TIAM1: variants seen among roughly 807,000 people sequenced by gnomAD.
TIAM1 encodes the protein rho guanine nucleotide exchange factor TIAM1.
TIAM1 carries 65 observed loss-of-function variants against 163.5 expected under a neutral mutation model. The observed-to-expected ratio is 0.40, with a 90% CI of 0.33 to 0.49. The LOEUF is 0.49. Among genes scored for constraint, TIAM1 ranks in the 20% least tolerant of loss-of-function variants. TIAM1 has a pLI of 0.77. For missense variants in TIAM1, 1,789 were observed against 2,044.7 expected (o/e 0.87, Z 2.41); for synonymous variants, 833 against 810.1 (o/e 1.03, Z -0.48).
In TIAM1 at chr21:31,540,111, C is replaced by T. The variant is rs138145437; in HGVS notation, c.-422+18816G>A. Among the ~76,000 whole-genome samples, 976 of 152,210 alleles carry T rather than the reference C, an allele frequency of 6.4e-3. 9 individuals are homozygous for T. Among genetic ancestry groups the T allele is most frequent in the African/African-American group, 0.021 (874 of 41,544 alleles). ...TAAAAGGTAGGAAGTACAGGCCGGG[C>T]GCAGTGGCTCACGCCTATAATCCCA... On this transcript the variant is annotated intron_variant, in intron 1 of 28. Transcript: ENST00000286827.
At chr21:31,190,131 G>A (rs535328397) in intron 13 of TIAM1, among the ~76,000 whole-genome samples, 15 of 152,304 alleles carry the variant, frequency 9.8e-5, no homozygotes, top group East Asian at 7.7e-4. Flanking sequence ...AAGGTCGGGC[G>A]TGGTGGCTCA....
chr21:31,552,787 G>A (rs984744996), intron 1 of TIAM1, among the ~76,000 whole-genome samples: 38 of 152,226 alleles, frequency 2.5e-4, no homozygotes, highest in African/African-American at 8.7e-4. Flanking sequence ...GAAAAAAAGA[G>A]AGAGAATAAG....
intron 3 of TIAM1, among the ~76,000 whole-genome samples, chr21:31,272,443 T>C (rs1486278518): frequency 2.0e-5 from 3 of 151,470 alleles, no homozygotes; most frequent in Non-Finnish European, 2.9e-5. Context: ...TCTCAGGGGC[T>C]GCTTTTATAG....
intron 2 of TIAM1, among the ~76,000 whole-genome samples, chr21:31,458,453 A>C (rs1271414324): frequency 6.6e-6 from 1 of 152,018 alleles, no homozygotes; most frequent in African/African-American, 2.4e-5. Context: ...GAAAAAAGAA[A>C]ACTGTCCTGG....
At position 31,152,752 on chromosome 21, in the gene TIAM1, G is replaced by C. The variant is rs1338040080; in HGVS notation, c.3250C>G (p.Leu1084Val). 3 of 1,613,932 alleles carry C rather than the reference G, an allele frequency of 1.9e-6. No homozygotes were observed. Among genetic ancestry groups the C allele is most frequent in the Admixed American group, 3.3e-5 (2 of 59,956 alleles). The change falls in exon 19 of 28, where the codon CTT becomes GTT. Residue 1084 changes from leucine (L) to valine (V), a missense_variant. Transcript: ENST00000541036. ...TFLTQDELDV[L>V]FGNLTEMVEF... is the part of the protein sequence containing the mutation. ...ACCATTTCCGTTAAATTTCCAAAAA[G>C]CACGTCAAGCTAGAAATAAAACAGA...
chr21:31,320,781 G>T (rs182123095), intron 2 of TIAM1, among the ~76,000 whole-genome samples: 12 of 152,318 alleles, frequency 7.9e-5, no homozygotes, highest in Admixed American at 7.8e-4. Flanking sequence ...ATCACTTGAT[G>T]CCACAAGTTT....
chr21:31,171,038 A>AAAC (rs2084486976), intron 15 of TIAM1, among the ~76,000 whole-genome samples: 1 of 147,056 alleles, frequency 6.8e-6, no homozygotes, highest in African/African-American at 2.5e-5. Context: ...TCCATCTCAA[A>AAAC]AAAAAAAAAA....
chr21:31,317,752 C>A (rs946621454), intron 2 of TIAM1, among the ~76,000 whole-genome samples: 3 of 152,154 alleles, frequency 2.0e-5, no homozygotes, highest in Non-Finnish European at 2.9e-5. Context: ...TACATTCCAA[C>A]CTGGGCAACA....
intron 1 of TIAM1, among the ~76,000 whole-genome samples, chr21:31,526,849 G>A (rs1245877454): frequency 1.3e-5 from 2 of 151,990 alleles, no homozygotes; most frequent in Non-Finnish European, 2.9e-5. Flanking sequence ...CTACAGGCAC[G>A]CACCACCATG....
chr21:31,488,130 A>C (rs557519817), intron 1 of TIAM1, among the ~76,000 whole-genome samples: 3 of 152,238 alleles, frequency 2.0e-5, no homozygotes, highest in African/African-American at 7.2e-5. Flanking sequence ...CCCACTTCAC[A>C]GCAGAGGGAG....
chr21:31,496,499 G>A (rs2046650146), intron 1 of TIAM1, among the ~76,000 whole-genome samples: 1 of 145,584 alleles, frequency 6.9e-6, no homozygotes, highest in Non-Finnish European at 1.5e-5. Context: ...ACTATCTTTT[G>A]TACAGCTGTG....
At chr21:31,550,058 A>G (rs927879644) in intron 1 of TIAM1, among the ~76,000 whole-genome samples, 4 of 152,002 alleles carry the variant, frequency 2.6e-5, no homozygotes, top group African/African-American at 9.7e-5. Context: ...TGGGAGGTGG[A>G]GGCTACAGTG....
rs954249745 is a variant in TIAM1 at position 31,120,207 on chromosome 21, A to G, written c.*161T>C. 72 of 632,734 alleles carry G rather than the reference A, an allele frequency of 1.1e-4. No individual in the cohort carries two copies. Among genetic ancestry groups the G allele is most frequent in the African/African-American group, 1.1e-3 (62 of 54,616 alleles). 39.2% of individuals were successfully genotyped at this position (632,734 alleles called of 1,614,324 possible). A position where few individuals can be genotyped will look rare whatever the true frequency, so the allele number is the denominator to read the frequency against. ...ATTCTTTCTGATGTTGTTGAAAATGACAAAGTTGGGTGGCTACATGGCTTC... is the reference window on the plus strand; with the variant it reads ...ATTCTTTCTGATGTTGTTGAAAATGGCAAAGTTGGGTGGCTACATGGCTTC... On this transcript the variant is annotated 3_prime_UTR_variant, in exon 28 of 28. Transcript: ENST00000541036. The surrounding 1 kb of genome is among the most constrained non-coding windows in gnomAD (Gnocchi z 4.2).
intron 2 of TIAM1, among the ~76,000 whole-genome samples, chr21:31,394,546 A>G (rs1331781682): frequency 1.3e-5 from 2 of 152,104 alleles, no homozygotes; most frequent in Non-Finnish European, 2.9e-5. Flanking sequence ...TGTTTGTAAG[A>G]AATGCACCAG....
chr21:31,302,189 T>C (rs2074533426), intron 2 of TIAM1, among the ~76,000 whole-genome samples: 1 of 152,124 alleles, frequency 6.6e-6, no homozygotes, highest in South Asian at 2.1e-4. Context: ...ATATCTCCAC[T>C]TTTTTAAGGG....
At chr21:31,175,093 C>A (rs2084698393) in intron 15 of TIAM1, among the ~76,000 whole-genome samples, 1 of 152,194 alleles carries the variant, frequency 6.6e-6, no homozygotes, top group South Asian at 2.1e-4. Context: ...CCGGTGCACA[C>A]CACCACGCCT....
chr21:31,431,663 G>A (rs1030554129), intron 2 of TIAM1, among the ~76,000 whole-genome samples: 3 of 152,192 alleles, frequency 2.0e-5, no homozygotes, highest in African/African-American at 7.2e-5. Context: ...AGGCAATTAC[G>A]TCACTTTACG....
rs139117633 is a variant in TIAM1, at chr21:31,337,518, G to GTTTTA, written c.-189+1724_-189+1725insTAAAA. Among the ~76,000 whole-genome samples, 845 of 147,270 alleles carry GTTTTA rather than the reference G, an allele frequency of 5.7e-3. 8 individuals are homozygous for GTTTTA. The highest frequency in any genetic ancestry group is 0.021 in the African/African-American group (815 of 39,576). ...TGTTGTTTTTATTATTATTATTGTT[G>GTTTTA]TTATTATTATTATTATTATTATTAT... On this transcript the variant is annotated intron_variant, in intron 2 of 27. Coordinates refer to ENST00000541036, the MANE Select transcript of TIAM1 (RefSeq NM_001353694.2).
chr21:31,453,715 TAAATAAATAAATA>T (rs1211455808), intron 2 of TIAM1, among the ~76,000 whole-genome samples: 1 of 146,592 alleles, frequency 6.8e-6, no homozygotes, highest in African/African-American at 2.5e-5. Context: ...AATAAATAAA[TAAATAAATAAATA>T]AATAAATTTT....
Sources: gnomAD v4.1 joint callset for allele counts (sites outside exome capture counted in the v4.1 genomes callset) on GRCh38, gnomAD v4.1.1 for gene constraint, Gnocchi (gnomAD v3.1) non-coding constraint, MANE v1.5 for transcripts, NCBI Gene and HGNC (gene_info 2026-07-23, HGNC 2026-07-21) for gene names.